Variants in C12orf57 observed in about 807,000 individuals in gnomAD.
The protein encoded by C12orf57 is protein C10.
Under a neutral mutation model 11.3 loss-of-function variants are expected in C12orf57, and 14 were observed. The ratio of observed to expected loss-of-function variants is 1.24; its 90% CI spans 0.82 to 1.94. The LOEUF is 1.94. Ranked by LOEUF, C12orf57 falls within the 30% of genes most tolerant of loss-of-function variation. The probability of loss-of-function intolerance (pLI) is 0.00; values close to 1 mark genes in which losing one functional copy is unlikely to be tolerated. For missense variants in C12orf57, 229 were observed against 172.4 expected, an observed-to-expected ratio of 1.33 and a Z score of -1.84; for synonymous variants, 100 against 74.6, an observed-to-expected ratio of 1.34 and a Z score of -1.76.
rs781935609 is a variant in C12orf57 at position 6,944,499 on chromosome 12, G to T, written c.76G>T (p.Ala26Ser). 3 of 1,612,804 alleles carry T rather than the reference G, an allele frequency of 1.9e-6. No homozygotes were observed. Among genetic ancestry groups the T allele is most frequent in the Admixed American group, 3.3e-5 (2 of 59,978 alleles). The stretch of plus-strand genomic sequence containing the variant: ...AGTGGTCCTCGCGGAGGTGATCCAG[G>T]CGTTCTCCGCCCCGGAGAATGCAGT... ...AKVVLAEVIQ[A>S]FSAPENAVRM... is the part of the protein sequence containing the mutation. Residue 26 changes from alanine (A) to serine (S), a missense_variant, in exon 2 of 3, where the codon GCG (alanine) becomes TCG (serine). Physicochemically the swap from Ala to Ser is moderately conservative, Grantham distance 99. Transcript: ENST00000229281.
chr12:6,944,264 T>A, intron 1 of C12orf57, 91 bp downstream of exon 1: 1 of 1,607,846 alleles, frequency 6.2e-7, no homozygotes, highest in African/African-American at 1.3e-5. Flanking sequence ...GCGGAGGATG[T>A]GGGGCGACAA....
chr12:6,944,483 C>A lies in C12orf57; in HGVS notation c.60C>A (p.Leu20=). The A allele has an allele frequency of 1.9e-6, 3 of 1,612,078 alleles. No individual in the cohort carries two copies. Among genetic ancestry groups the A allele is most frequent in the Non-Finnish European group, 2.5e-6 (3 of 1,179,798 alleles). Residue 20 remains leucine, a synonymous_variant, in exon 2 of 3, where the codon CTC becomes CTA. Coordinates refer to ENST00000229281, the MANE Select transcript of C12orf57 (RefSeq NM_138425.4). The part of the protein sequence containing the change: ...ALSAEQAKVV[L]AEVIQAFSAP... ...GATGCTTCTGGCGCGCAGTGGTCCT[C>A]GCGGAGGTGATCCAGGCGTTCTCCG...
Position 6,944,131 on chromosome 12 carries a change from G to A in C12orf57, c.10G>A (p.Ala4Thr), listed in dbSNP as rs367876099. Reference protein sequence around the residue: MASASTQPAALSAE... With the variant: MASTSTQPAALSAE... ...GAGCTTCAGACGCCCTATGGCGTCC[G>A]CCTCGACCCAACCGGCGGCCTTGAG... The change falls in exon 1 of 3, where the codon GCC becomes ACC. Residue 4 changes from alanine (A) to threonine (T), a missense_variant. Ala to Thr is a moderately conservative substitution (Grantham distance 58, BLOSUM62 0). Coordinates refer to ENST00000229281, the MANE Select transcript of C12orf57 (RefSeq NM_138425.4). 60 of 1,614,228 alleles carry A rather than the reference G, an allele frequency of 3.7e-5. No individual in the cohort carries two copies. The Admixed American group carries it at 8.8e-4, about 24-fold the overall frequency.
At chr12:6,943,548 G>C (rs782713978), upstream of C12orf57, 52 of 1,288,876 alleles carry the variant, frequency 4.0e-5, no homozygotes, top group East Asian at 1.3e-3. Flanking sequence ...CCAGGTCTCC[G>C]GGCTTAACAA....
Position 6,944,541 on chromosome 12 carries a change from C to T in C12orf57, c.118C>T (p.Arg40Trp). The change falls in exon 2 of 3, where the codon CGG (arginine) becomes TGG (tryptophan). Residue 40 changes from arginine to tryptophan, a missense_variant. Transcript: ENST00000229281. ...GAATGCAGTGCGCATGGACGAGGCT[C>T]GGGATAACGCCTGCAACGACATGGG... ...PENAVRMDEA[R>W]DNACNDMGKM... 6.2e-7 allele frequency: 1 copy of T among 1,614,072 alleles called. No individual in the cohort carries two copies. Among genetic ancestry groups the T allele is most frequent in the Non-Finnish European group, 8.5e-7 (1 of 1,180,040 alleles).
chr12:6,944,357 G>A, intron 1 of C12orf57, 119 bp from the exon 2 acceptor site: 1 of 1,552,826 alleles, frequency 6.4e-7, no homozygotes, highest in Non-Finnish European at 8.7e-7. Flanking sequence ...CCAAGACTTG[G>A]GATCTTATTG....
intron 1 of C12orf57, 148 bp downstream of exon 1, chr12:6,944,321 C>A (rs1033033624): frequency 6.4e-7 from 1 of 1,571,910 alleles, no homozygotes; most frequent in South Asian, 1.1e-5. Context: ...CGCCGGGTAC[C>A]GTCCTTCTAA....
chr12:6,945,804 A>G lies in C12orf57; in HGVS notation c.263A>G (p.Tyr88Cys), dbSNP rs782145941. Residue 88 changes from tyrosine (Y) to cysteine (C), a missense_variant, in exon 3 of 3, where the codon TAC becomes TGC. Transcript: ENST00000229281. The part of the protein sequence containing the change: ...VLKFARLVKS[Y>C]EAQDPEIASL... ...AAGTTTGCTCGCTTGGTCAAGTCCT[A>G]CGAAGCCCAGGATCCTGAGATCGCC... is the stretch of plus-strand genomic sequence containing the variant. The G allele has an allele frequency of 3.7e-6, 6 of 1,613,720 alleles. No individual in the cohort carries two copies. The highest frequency in any genetic ancestry group is 2.2e-5 in the East Asian group (1 of 44,860).
In C12orf57 at chr12:6,944,483, C is replaced by G. The variant is rs1201009084; in HGVS notation, c.60C>G (p.Leu20=). The change falls in exon 2 of 3, where the codon CTC becomes CTG. Residue 20 remains leucine (L), a synonymous_variant. Coordinates refer to ENST00000229281, the MANE Select transcript of C12orf57 (RefSeq NM_138425.4). The stretch of plus-strand genomic sequence containing the variant: ...GATGCTTCTGGCGCGCAGTGGTCCT[C>G]GCGGAGGTGATCCAGGCGTTCTCCG... ...ALSAEQAKVV[L]AEVIQAFSAP... The G allele has an allele frequency of 6.2e-7, 1 of 1,612,078 alleles. No individual in the cohort carries two copies. Among genetic ancestry groups the G allele is most frequent in the Non-Finnish European group, 8.5e-7 (1 of 1,179,798 alleles).
intron 2 of C12orf57, chr12:6,944,933 T>C: frequency 8.0e-7 from 1 of 1,253,760 alleles, no homozygotes; most frequent in Non-Finnish European, 1.0e-6. Context: ...TACATATACA[T>C]GGATATCTTG....
chr12:6,944,073 TC>T lies in C12orf57; in HGVS notation c.-48del. The T allele has an allele frequency of 2.5e-6, 4 of 1,613,888 alleles. No individual in the cohort carries two copies. The highest frequency in any genetic ancestry group is 3.4e-6 in the Non-Finnish European group (4 of 1,179,994). ...ACGGTTGTAGGACGTGGCTCTTTAT[TC>T]GTGAGTTTTCCATTTACCTCCGCTG... On this transcript the variant is annotated 5_prime_UTR_variant, in exon 1 of 3. Coordinates refer to ENST00000229281, the MANE Select transcript of C12orf57 (RefSeq NM_138425.4).
At chr12:6,945,714 G>A (rs1441387020) in intron 2 of C12orf57, 57 bp from the exon 3 acceptor site, 1 of 1,575,634 alleles carries the variant, frequency 6.3e-7, no homozygotes, top group Non-Finnish European at 8.7e-7. Flanking sequence ...CCCCCTCCAG[G>A]TGTCTTAGGC....
At chr12:6,945,605 A>G (rs1945783423) in intron 2 of C12orf57, among the ~76,000 whole-genome samples, 166 bp from the exon 3 acceptor site, 1 of 152,018 alleles carries the variant, frequency 6.6e-6, no homozygotes, top group Non-Finnish European at 1.5e-5. Context: ...TGTAGACCAA[A>G]TGTCATCATC....
rs782424035 is a variant in C12orf57, at chr12:6,944,582, CGT to C, written c.161_162del (p.Val54AlafsTer26). ...ACGACATGGGTAAGATGCTGCAATT[CGT>C]GCTGCCCGTGGCCACGCAGATCCAG... Reference protein sequence around the residue: ...CNDMGKMLQFVLPVATQIQQE... With the variant: ...CNDMGKMLQFXLPVATQIQQE... On this transcript the variant is annotated frameshift_variant, in exon 2 of 3. Transcript: ENST00000229281. LOFTEE classifies it high-confidence loss of function. 1.2e-6 allele frequency: 2 copies of C among 1,614,038 alleles called. No individual in the cohort carries two copies. Among genetic ancestry groups the C allele is most frequent in the Non-Finnish European group, 1.7e-6 (2 of 1,180,042 alleles).
upstream of C12orf57, chr12:6,943,882 A>T (rs1022366860): frequency 9.9e-6 from 10 of 1,011,990 alleles, no homozygotes; most frequent in Non-Finnish European, 1.2e-5. Context: ...AGCCCCTCTT[A>T]TGATGTTTGT....
Position 6,945,847 on chromosome 12 carries a change from G to A in C12orf57, c.306G>A (p.Leu102=), listed in dbSNP as rs1591677391. The A allele has an allele frequency of 1.2e-6, 2 of 1,613,898 alleles. No homozygotes were observed. Among genetic ancestry groups the A allele is most frequent in the Non-Finnish European group, 1.7e-6 (2 of 1,179,936 alleles). The change falls in exon 3 of 3, where the codon CTG becomes CTA. Residue 102 remains leucine, a synonymous_variant. Coordinates refer to ENST00000229281, the MANE Select transcript of C12orf57 (RefSeq NM_138425.4). ...DPEIASLSGK[L]KALFLPPMTL... ...AGATCGCCAGCCTGTCAGGCAAGCT[G>A]AAGGCGCTGTTTCTGCCGCCCATGA...
At chr12:6,944,239 C>G (rs898802403) in intron 1 of C12orf57, 66 bp downstream of exon 1, 2 of 1,612,840 alleles carry the variant, frequency 1.2e-6, no homozygotes, top group Non-Finnish European at 1.7e-6. Flanking sequence ...GGCTGCTGGT[C>G]TGGGGAGGAT....
In C12orf57 at chr12:6,944,466, T is replaced by C. The variant is rs1685351657; in HGVS notation, c.53-10T>C. 1.2e-6 allele frequency: 2 copies of C among 1,610,590 alleles called. No homozygotes were observed. Among genetic ancestry groups the C allele is most frequent in the Non-Finnish European group, 8.5e-7 (1 of 1,179,244 alleles). The stretch of plus-strand genomic sequence containing the variant: ...CCGGGACGCCTCCCTGGGATGCTTC[T>C]GGCGCGCAGTGGTCCTCGCGGAGGT... On this transcript the variant is annotated splice_polypyrimidine_tract_variant and intron_variant, in intron 1 of 2. Transcript: ENST00000229281.
chr12:6,944,036 G>T lies in C12orf57; in HGVS notation c.-86G>T. 6.8e-6 allele frequency: 11 copies of T among 1,609,548 alleles called. No individual in the cohort carries two copies. The highest frequency in any genetic ancestry group is 1.3e-5 in the African/African-American group (1 of 75,000). On this transcript the variant is annotated 5_prime_UTR_variant, in exon 1 of 3. It adds an upstream start codon to the 5' untranslated region. Coordinates refer to ENST00000229281, the MANE Select transcript of C12orf57 (RefSeq NM_138425.4). ...GGATGCTGTTTCCTTTCCGCTCCCA[G>T]GGGCGTTGGGAACGGTTGTAGGACG...
Sources: allele counts gnomAD v4.1 joint callset (sites outside exome capture counted in the v4.1 genomes callset), GRCh38; gene constraint gnomAD v4.1.1; transcripts MANE v1.5; gene names NCBI Gene and HGNC (gene_info 2026-07-23, HGNC 2026-07-21).